The following IYD variants were observed in gnomAD, a reference collection of about 807,000 sequenced individuals.
The protein encoded by IYD is iodotyrosine deiodinase.
Under a neutral mutation model 28.4 loss-of-function variants are expected in IYD, and 25 were observed. That is an observed-to-expected ratio of 0.88 (90% confidence interval 0.64 to 1.23). IYD has a LOEUF of 1.23. Ranked by LOEUF, IYD falls within the 50% of genes most tolerant of loss-of-function variation. The pLI is 0.00. For missense variants in IYD, 352 were observed against 357.9 expected (o/e 0.98, Z 0.13); for synonymous variants, 140 against 130.8 (o/e 1.07, Z -0.48).
At chr6:150,391,233 CAAAAAAAAA>C (rs3842126) in intron 2 of IYD, among the ~76,000 whole-genome samples, 5 of 114,082 alleles carry the variant, frequency 4.4e-5, no homozygotes, top group Admixed American at 9.1e-5. Flanking sequence ...GAGACGCCAT[CAAAAAAAAA>C]AAAAAAAAAA....
In IYD at chr6:150,398,094, T is replaced by G. The variant is rs778081545; in HGVS notation, c.727T>G (p.Cys243Gly). The change falls in exon 5 of 5, where the codon TGT becomes GGT. Residue 243 changes from cysteine to glycine, a missense_variant. Transcript: ENST00000344419. ...GACTGTCACTACCACTCCTCTCAACTGTGGCCCTCGACTGAGGGTGCTCCT... is the reference window on the plus strand; with the variant it reads ...GACTGTCACTACCACTCCTCTCAACGGTGGCCCTCGACTGAGGGTGCTCCT... Reference protein sequence around the residue: ...LVTVTTTPLNCGPRLRVLLGR... With the variant: ...LVTVTTTPLNGGPRLRVLLGR... 1 of 1,614,194 alleles carries G rather than the reference T, an allele frequency of 6.2e-7. No homozygotes were observed. Among genetic ancestry groups the G allele is most frequent in the South Asian group, 1.1e-5 (1 of 91,080 alleles).
intron 2 of IYD, among the ~76,000 whole-genome samples, chr6:150,391,787 C>T (rs1005977503): frequency 6.6e-6 from 1 of 152,180 alleles, no homozygotes; most frequent in South Asian, 2.1e-4. Flanking sequence ...TAGCTCACTG[C>T]AATCTCTGCC....
rs1777137032 is a variant in IYD, at chr6:150,369,349, G to T, written c.178+140G>T. 14 of 806,872 alleles carry T rather than the reference G, an allele frequency of 1.7e-5. No individual in the cohort carries two copies. In the South Asian group the frequency reaches 2.1e-4, roughly 12 times the overall value. The allele number at this position is 806,872 out of a possible 1,614,324, so 50.0% of individuals were successfully genotyped here. On this transcript the variant is annotated intron_variant, in intron 1 of 4. Coordinates refer to ENST00000344419, the MANE Select transcript of IYD (RefSeq NM_203395.3). ...CAACCTCTATTGTGCTAATGAATCAGTGCTTGGCACAGACAGGTCATCTCT... is the reference window on the plus strand; with the variant it reads ...CAACCTCTATTGTGCTAATGAATCATTGCTTGGCACAGACAGGTCATCTCT...
intron 2 of IYD, 95 bp from the exon 3 acceptor site, chr6:150,392,250 A>G: frequency 6.3e-7 from 1 of 1,598,776 alleles, no homozygotes; most frequent in Non-Finnish European, 8.5e-7. Flanking sequence ...CCAGCCTCCC[A>G]AAGTGCTTGG....
chr6:150,373,521 C>T (rs1421044149), intron 1 of IYD, among the ~76,000 whole-genome samples: 1 of 152,184 alleles, frequency 6.6e-6, no homozygotes, highest in Non-Finnish European at 1.5e-5. Context: ...GCCTGAACTT[C>T]ATGCTCCCCA....
At position 150,392,564 on chromosome 6, in the gene IYD, C is replaced by A. The variant is rs62432510; in HGVS notation, c.530+60C>A. On this transcript the variant is annotated intron_variant, in intron 3 of 4. Coordinates refer to ENST00000344419, the MANE Select transcript of IYD (RefSeq NM_203395.3). ...TGGCCTCTTAAAATAAAATCACCAC[C>A]ACCACCATGTCCTGGCTTTGTTGTA... 1.0e-2 allele frequency: 15,149 copies of A among 1,515,078 alleles called. 110 individuals carry two copies. Among genetic ancestry groups the A allele is most frequent in the Middle Eastern group, 0.015 (81 of 5,450 alleles). 93.9% of individuals were successfully genotyped at this position (1,515,078 alleles called of 1,614,324 possible).
chr6:150,382,425 A>G (rs1271651953), intron 1 of IYD, among the ~76,000 whole-genome samples: 2 of 152,118 alleles, frequency 1.3e-5, no homozygotes, highest in African/African-American at 4.8e-5. Flanking sequence ...CTAAGTAGAG[A>G]CATGTAGGGT....
chr6:150,376,897 C>T (rs766699017), intron 1 of IYD, among the ~76,000 whole-genome samples: 2 of 152,164 alleles, frequency 1.3e-5, no homozygotes, highest in African/African-American at 4.8e-5. Context: ...GCTGAGATTA[C>T]AGGCATGAGC....
chr6:150,389,305 G>C (rs1415317805), intron 1 of IYD, 47 bp from the exon 2 acceptor site: 1 of 1,487,448 alleles, frequency 6.7e-7, no homozygotes, highest in Non-Finnish European at 9.4e-7. Flanking sequence ...GTCACCTTAT[G>C]ACCAAGGGAT....
intron 1 of IYD, 94 bp downstream of exon 1, chr6:150,369,303 C>G: frequency 8.2e-7 from 1 of 1,212,520 alleles, no homozygotes; most frequent in Non-Finnish European, 1.2e-6. Context: ...GGAAGAAACA[C>G]ACACAGGCCA....
chr6:150,394,378 T>TTAGGAATTAA, intron 4 of IYD, 123 bp downstream of exon 4: 1 of 1,041,090 alleles, frequency 9.6e-7, no homozygotes, highest in Non-Finnish European at 1.5e-6. Flanking sequence ...GAGGTAACTC[T>TTAGGAATTAA]GATGTGAAAA....
At chr6:150,394,793 TCAA>T (rs1315720341) in intron 4 of IYD, among the ~76,000 whole-genome samples, 1 of 152,228 alleles carries the variant, frequency 6.6e-6, no homozygotes, top group East Asian at 1.9e-4. Context: ...ATGCATTCAC[TCAA>T]CAGTGCATTC....
chr6:150,399,603 A>G lies in IYD; in HGVS notation c.*1366A>G, dbSNP rs2115068117. 6.6e-6 allele frequency: 1 copy of G among 151,966 alleles called. No individual in the cohort carries two copies. The highest frequency in any genetic ancestry group is 2.1e-4 in the South Asian group (1 of 4,790). The allele number at this position is 151,966 out of a possible 1,614,324, so 9.4% of individuals were successfully genotyped here. On this transcript the variant is annotated 3_prime_UTR_variant, in exon 5 of 5. Coordinates refer to ENST00000344419, the MANE Select transcript of IYD (RefSeq NM_203395.3). ...CTGTGCGTTTCTTCTTCTTGTCCTC[A>G]TTTTCCTTGAGAAAACTCTCTCTAT...
In IYD at chr6:150,389,010, C is replaced by CT. The variant is rs534395002; in HGVS notation, c.179-335dup. Among the ~76,000 whole-genome samples the CT allele has an allele frequency of 9.1e-4, 139 of 151,952 alleles. 3 individuals are homozygous for CT. The South Asian group carries it at 0.023, about 25-fold the overall frequency. ...AGCCACCACGCCCGGACTTTTCTTC[C>CT]TTTTTTTAAAAAGAGACTGGGTCTG... On this transcript the variant is annotated intron_variant, in intron 1 of 4. Transcript: ENST00000344419.
intron 1 of IYD, among the ~76,000 whole-genome samples, chr6:150,383,448 C>T (rs1204200988): frequency 1.3e-5 from 2 of 152,150 alleles, no homozygotes; most frequent in Non-Finnish European, 2.9e-5. Flanking sequence ...TAGATTTTGA[C>T]CGTCATTTCC....
At chr6:150,369,926 T>G (rs1173386198) in intron 1 of IYD, 3 of 696,750 alleles carry the variant, frequency 4.3e-6, no homozygotes, top group Non-Finnish European at 7.8e-6. Context: ...GAATTGAGGG[T>G]GGAGGGAGAG....
chr6:150,388,898 C>T (rs1157231430), intron 1 of IYD, among the ~76,000 whole-genome samples: 1 of 152,090 alleles, frequency 6.6e-6, no homozygotes, highest in Admixed American at 6.5e-5. Context: ...GACGGGGTTT[C>T]ACCATGTTGA....
At chr6:150,388,374 AAAAT>A (rs1408292140) in intron 1 of IYD, among the ~76,000 whole-genome samples, 2 of 152,204 alleles carry the variant, frequency 1.3e-5, no homozygotes, top group African/African-American at 4.8e-5. Context: ...AGTAGAGAAA[AAAAT>A]GTACCTTCTG....
chr6:150,378,837 C>G (rs1255711586), intron 1 of IYD, among the ~76,000 whole-genome samples: 1 of 152,166 alleles, frequency 6.6e-6, no homozygotes, highest in Admixed American at 6.5e-5. Flanking sequence ...AAGACACATG[C>G]ACACGTATGT....
Sources: allele counts gnomAD v4.1 joint callset (sites outside exome capture counted in the v4.1 genomes callset), GRCh38; gene constraint gnomAD v4.1.1; transcripts MANE v1.5; gene names NCBI Gene and HGNC (gene_info 2026-07-23, HGNC 2026-07-21).